The following OPCML variants were observed in gnomAD, a reference collection of about 807,000 sequenced individuals.
The protein encoded by OPCML is opioid-binding protein/cell adhesion molecule.
A neutral mutation model predicts 37.8 loss-of-function variants in OPCML; 13 were observed. The observed-to-expected ratio is 0.34, with a 90% CI of 0.22 to 0.55. The LOEUF (loss-of-function observed/expected upper bound fraction) is 0.55, where lower values mean the gene tolerates loss of function less well. Ranked by LOEUF, OPCML falls within the 20% of genes least tolerant of loss-of-function variation. The probability of loss-of-function intolerance (pLI) is 0.91; values close to 1 mark genes in which losing one functional copy is unlikely to be tolerated. For missense variants in OPCML, 341 were observed against 435.6 expected (o/e 0.78, Z 1.93); for synonymous variants, 176 against 168.8 (o/e 1.04, Z -0.33).
intron 1 of OPCML, chr11:133,024,936 C>G (rs1316022147): frequency 1.0e-6 from 1 of 985,244 alleles, no homozygotes; most frequent in Non-Finnish European, 1.2e-6. Flanking sequence ...TATTTGAATT[C>G]CTGAACCAAT....
intron 3 of OPCML, among the ~76,000 whole-genome samples, chr11:132,639,378 T>C (rs992618772): frequency 6.6e-6 from 1 of 152,194 alleles, no homozygotes; most frequent in African/African-American, 2.4e-5. Context: ...AAGGTGACAC[T>C]TGGGGACATG....
intron 1 of OPCML, among the ~76,000 whole-genome samples, chr11:133,494,547 A>C (rs1947738996): frequency 6.8e-6 from 1 of 146,960 alleles, no homozygotes; most frequent in Non-Finnish European, 1.5e-5. Context: ...AGCCATAAAA[A>C]ATGATGAGTT....
intron 3 of OPCML, among the ~76,000 whole-genome samples, chr11:132,611,890 A>C (rs1315924183): frequency 1.3e-5 from 2 of 152,162 alleles, no homozygotes; most frequent in African/African-American, 4.8e-5. Flanking sequence ...GTCCCAGGCA[A>C]ACCTTGATGA....
At chr11:133,426,902 A>G (rs939449615) in intron 1 of OPCML, among the ~76,000 whole-genome samples, 3 of 152,224 alleles carry the variant, frequency 2.0e-5, no homozygotes, top group Admixed American at 6.5e-5. Context: ...GCCAAATATT[A>G]CAGTGAAAAT....
chr11:133,057,148 G>A (rs1004111578), intron 1 of OPCML, among the ~76,000 whole-genome samples: 9 of 152,134 alleles, frequency 5.9e-5, no homozygotes, highest in East Asian at 1.9e-4. Flanking sequence ...TGGCTAGGTC[G>A]CTTACTCTTT....
intron 1 of OPCML, among the ~76,000 whole-genome samples, chr11:133,091,675 G>T (rs1268170791): frequency 6.6e-6 from 1 of 152,142 alleles, no homozygotes; most frequent in Non-Finnish European, 1.5e-5. Context: ...TTAGAATGGG[G>T]ATGACTATCT....
intron 4 of OPCML, among the ~76,000 whole-genome samples, chr11:132,507,660 A>T (rs762785409): frequency 6.6e-6 from 1 of 151,512 alleles, no homozygotes; most frequent in Non-Finnish European, 1.5e-5. Context: ...AACTATAGAG[A>T]CAATTTTTCT....
chr11:132,444,736 G>A (rs1235927857), intron 4 of OPCML, among the ~76,000 whole-genome samples: 3 of 151,174 alleles, frequency 2.0e-5, no homozygotes, highest in Admixed American at 6.6e-5. Context: ...TCCGTCCCCC[G>A]CCCCAACCTC....
chr11:133,426,290 AT>A (rs1045519382), intron 1 of OPCML, among the ~76,000 whole-genome samples: 11 of 151,726 alleles, frequency 7.2e-5, no homozygotes, highest in Admixed American at 2.6e-4. Flanking sequence ...TCAGTAGCAG[AT>A]TTTTTTTTAA....
chr11:132,937,685 A>G (rs1278409616), intron 2 of OPCML, among the ~76,000 whole-genome samples: 4 of 151,312 alleles, frequency 2.6e-5, no homozygotes, highest in Non-Finnish European at 5.9e-5. Flanking sequence ...AGAGAGTGTC[A>G]CGGACTCAAG....
At position 133,174,663 on chromosome 11, in the gene OPCML, G is replaced by A. The variant is rs1173083673; in HGVS notation, c.62-231653C>T. Among the ~76,000 whole-genome samples, 1 of 150,734 alleles carries A rather than the reference G, an allele frequency of 6.6e-6. No individual in the cohort carries two copies. The highest frequency in any genetic ancestry group is 1.5e-5 in the Non-Finnish European group (1 of 67,854). Reference sequence around the variant, plus strand: ...TGAAAAAAAAAAAAAAAAAAAGCAGGGGGAAGTTAAACACCTGAGTGAAGT... The same window carrying A: ...TGAAAAAAAAAAAAAAAAAAAGCAGAGGGAAGTTAAACACCTGAGTGAAGT... On this transcript the variant is annotated intron_variant, in intron 1 of 7. Transcript: ENST00000524381. The surrounding 1 kb of genome is among the most constrained non-coding windows in gnomAD (Gnocchi z 4.6).
chr11:133,337,460 G>T (rs1160067114), intron 1 of OPCML, among the ~76,000 whole-genome samples: 1 of 152,202 alleles, frequency 6.6e-6, no homozygotes. Flanking sequence ...TGCAGGGCCA[G>T]TAACAACAGA....
At chr11:133,064,220 G>A (rs536707128) in intron 1 of OPCML, among the ~76,000 whole-genome samples, 1 of 152,178 alleles carries the variant, frequency 6.6e-6, no homozygotes, top group African/African-American at 2.4e-5. Flanking sequence ...GCCGACCCCA[G>A]CGCAACCCAG....
At chr11:133,145,425 A>G (rs1337738467) in intron 1 of OPCML, among the ~76,000 whole-genome samples, 1 of 152,184 alleles carries the variant, frequency 6.6e-6, no homozygotes, top group African/African-American at 2.4e-5. Flanking sequence ...GAGAAAGGTA[A>G]TTATTAAATT....
At chr11:132,461,496 A>G (rs1460651312) in intron 4 of OPCML, among the ~76,000 whole-genome samples, 2 of 152,140 alleles carry the variant, frequency 1.3e-5, no homozygotes, top group Non-Finnish European at 2.9e-5. Flanking sequence ...CATCTCTTCA[A>G]TCTGACGGTT....
rs188536084 is a variant in OPCML, at chr11:133,056,026, C to T, written c.62-113016G>A. Among the ~76,000 whole-genome samples the T allele has an allele frequency of 2.4e-3, 365 of 152,110 alleles. 2 individuals are homozygous for T. The highest frequency in any genetic ancestry group is 3.0e-3 in the Non-Finnish European group (202 of 67,968). On this transcript the variant is annotated intron_variant, in intron 1 of 7. Coordinates refer to ENST00000524381, the MANE Select transcript of OPCML (RefSeq NM_001012393.5). ...AAGTGGTGAGACTCCATGAGGGAGC[C>T]GCCTCTACCGTATAATGCTGCCTCC...
At chr11:133,153,152 C>T (rs1950011023) in intron 1 of OPCML, among the ~76,000 whole-genome samples, 1 of 152,118 alleles carries the variant, frequency 6.6e-6, no homozygotes, top group South Asian at 2.1e-4. Flanking sequence ...TGCAGCAGCT[C>T]AGAGAAAAGC....
intron 1 of OPCML, among the ~76,000 whole-genome samples, chr11:133,469,285 T>C (rs1947050089): frequency 6.6e-6 from 1 of 152,218 alleles, no homozygotes; most frequent in Non-Finnish European, 1.5e-5. Flanking sequence ...CTGAACCTTT[T>C]CTATGTGTGG....
At chr11:132,582,732 A>T (rs924933947) in intron 3 of OPCML, among the ~76,000 whole-genome samples, 3 of 152,200 alleles carry the variant, frequency 2.0e-5, no homozygotes, top group Non-Finnish European at 4.4e-5. Context: ...TTTCCATTTA[A>T]GCCACTTAAT....
Sources: gnomAD v4.1 joint callset for allele counts (sites outside exome capture counted in the v4.1 genomes callset) on GRCh38, gnomAD v4.1.1 for gene constraint, Gnocchi (gnomAD v3.1) non-coding constraint, MANE v1.5 for transcripts, NCBI Gene and HGNC (gene_info 2026-07-23, HGNC 2026-07-21) for gene names.